Variants in TJP1 observed in about 807,000 individuals in gnomAD.
TJP1 encodes tight junction protein 1, also known as tight junction protein ZO-1.
TJP1 carries 43 observed loss-of-function variants against 194.2 expected under a neutral mutation model. The ratio of observed to expected loss-of-function variants is 0.22; its 90% confidence interval spans 0.17 to 0.29. The LOEUF is 0.29. TJP1 is among the 10% of genes least tolerant of loss of function. TJP1 has a pLI of 1.00. For missense variants in TJP1, 1,971 were observed against 2,185.7 expected (o/e 0.90, Z 1.96); for synonymous variants, 801 against 779.0 (o/e 1.03, Z -0.47).
intron 2 of TJP1, among the ~76,000 whole-genome samples, chr15:29,926,338 G>A (rs1466204130): frequency 6.6e-6 from 1 of 152,172 alleles, no homozygotes; most frequent in African/African-American, 2.4e-5. Flanking sequence ...AGAGCTAGGC[G>A]CAGAAGCTCA....
At chr15:29,775,921 C>G (rs1039014270) in intron 2 of TJP1, among the ~76,000 whole-genome samples, 2 of 152,030 alleles carry the variant, frequency 1.3e-5, no homozygotes, top group Admixed American at 1.3e-4. Context: ...CAAAAAGGCA[C>G]CAGGCGCAAA....
At chr15:29,924,363 G>C (rs902248461) in intron 2 of TJP1, among the ~76,000 whole-genome samples, 20 of 152,120 alleles carry the variant, frequency 1.3e-4, no homozygotes, top group Admixed American at 5.2e-4. Flanking sequence ...GAGCCACCAT[G>C]CTCAGCCAAT....
At chr15:29,792,898 T>G (rs1291320078) in intron 2 of TJP1, among the ~76,000 whole-genome samples, 2 of 152,226 alleles carry the variant, frequency 1.3e-5, no homozygotes, top group Non-Finnish European at 2.9e-5. Flanking sequence ...ATTATTTTCT[T>G]GGTTTATTTT....
At chr15:29,724,401 C>T (rs188657868) in intron 18 of TJP1, among the ~76,000 whole-genome samples, 146 of 152,298 alleles carry the variant, frequency 9.6e-4, no homozygotes, top group African/African-American at 3.3e-3. Context: ...TTTAACTTGC[C>T]AGGGTTCTGA....
At chr15:29,933,474 T>A (rs1033485352) in intron 2 of TJP1, among the ~76,000 whole-genome samples, 11 of 152,088 alleles carry the variant, frequency 7.2e-5, no homozygotes, top group African/African-American at 2.7e-4. Flanking sequence ...AAGAAGAAGA[T>A]AACATTCAAC....
In TJP1 at chr15:29,719,942, A is replaced by T; in HGVS notation, c.2838T>A (p.Asn946Lys). 1 of 1,614,176 alleles carries T rather than the reference A, an allele frequency of 6.2e-7. No homozygotes were observed. The change falls in exon 20 of 28, where the codon AAT (asparagine) becomes AAA (lysine). Residue 946 changes from asparagine (N) to lysine (K), a missense_variant. Around this residue, in one of 5 missense-constraint regions of TJP1, gnomAD observed 1,108 missense variants for 1,128.5 expected, o/e 0.98. Transcript: ENST00000614355. The part of the protein sequence containing the change: ...TNPASSTSAV[N>K]HNVNLTNVRL... ...TGACATTAGTTAAATTTACATTATG[A>T]TTAACAGCAGAGGTTGATGATGCTG...
Position 29,718,090 on chromosome 15 carries a change from C to T in TJP1, c.3905G>A (p.Gly1302Asp), listed in dbSNP as rs377371510. The part of the protein sequence containing the change: ...KPPEVASKPS[G>D]APIIGPKPTS... Reference sequence around the variant, plus strand: ...GGGTTTGGGACCAATGATGGGAGCACCTGAAGGTTTAGATGCTACTTCTGG... The same window carrying T: ...GGGTTTGGGACCAATGATGGGAGCATCTGAAGGTTTAGATGCTACTTCTGG... Residue 1302 changes from glycine (G) to aspartate (D), a missense_variant, in exon 22 of 28, where the codon GGT becomes GAT. By Grantham distance (94) the Gly-to-Asp change is moderately conservative. This residue lies in a region of TJP1 where 1,108 missense variants were observed against 1,128.5 expected (regional missense o/e 0.98). Transcript: ENST00000614355. 11 of 1,607,756 alleles carry T rather than the reference C, an allele frequency of 6.8e-6. No homozygotes were observed. The highest frequency in any genetic ancestry group is 2.7e-5 in the African/African-American group (2 of 73,068).
At chr15:29,720,130 A>G in intron 19 of TJP1, 114 bp from the exon 20 acceptor site, 1 of 1,380,142 alleles carries the variant, frequency 7.2e-7, no homozygotes. Context: ...TAACAAAATT[A>G]TGACCTCATG....
At position 29,718,943 on chromosome 15, in the gene TJP1, T is replaced by C. The variant is rs758147494; in HGVS notation, c.3199A>G (p.Thr1067Ala). 8 of 1,614,202 alleles carry C rather than the reference T, an allele frequency of 5.0e-6. No homozygotes were observed. In the East Asian group the frequency reaches 8.9e-5, roughly 18 times the overall value. ...TCATAGTTTCGAGAAAACTGGTCCG[T>C]ATAGCTTGAGGACTCGTATCTGTAT... ...PTYRYESSSY[T>A]DQFSRNYEHR... Residue 1067 changes from threonine to alanine, a missense_variant, in exon 21 of 28, where the codon ACG (threonine) becomes GCG (alanine). Physicochemically the swap from Thr to Ala is moderately conservative, Grantham distance 58 (BLOSUM62 0). Transcript: ENST00000614355.
intron 23 of TJP1, among the ~76,000 whole-genome samples, chr15:29,712,051 T>C (rs997600559): frequency 5.3e-5 from 8 of 152,212 alleles, no homozygotes; most frequent in East Asian, 1.9e-4. Context: ...ATTGTTAATA[T>C]GTAACACAAA....
intron 2 of TJP1, among the ~76,000 whole-genome samples, chr15:29,857,483 T>A (rs1467176741): frequency 6.6e-6 from 1 of 152,148 alleles, no homozygotes; most frequent in Non-Finnish European, 1.5e-5. Context: ...ATTACGTGGA[T>A]CGGGCCTCAA....
intron 15 of TJP1, chr15:29,729,478 A>T (rs1205383540): frequency 6.6e-6 from 1 of 152,174 alleles, no homozygotes; most frequent in Non-Finnish European, 1.5e-5. Flanking sequence ...TTAAAAAAAA[A>T]AGATGATGTT....
chr15:29,931,409 A>T (rs1390592697), intron 2 of TJP1, among the ~76,000 whole-genome samples: 1 of 152,176 alleles, frequency 6.6e-6, no homozygotes, highest in Admixed American at 6.5e-5. Flanking sequence ...AACAAATCAA[A>T]CTAGTCACAC....
chr15:29,855,909 G>A (rs935329815), intron 2 of TJP1, among the ~76,000 whole-genome samples: 2 of 151,786 alleles, frequency 1.3e-5, no homozygotes, highest in Non-Finnish European at 2.9e-5. Context: ...GTGATGACAC[G>A]GTCTGCTAAA....
chr15:29,761,364 GA>G, intron 7 of TJP1, 78 bp from the exon 8 acceptor site: 1 of 1,521,686 alleles, frequency 6.6e-7, no homozygotes, highest in Non-Finnish European at 8.9e-7. Flanking sequence ...TAATAATGAA[GA>G]TAAGCTAGTA....
At chr15:29,800,840 T>C (rs2048736396) in intron 1 of TJP1, 138 bp from the exon 2 acceptor site, 4 of 762,318 alleles carry the variant, frequency 5.2e-6, no homozygotes, top group Non-Finnish European at 8.1e-6. Flanking sequence ...GAAAGGACCT[T>C]AATAATTATG....
intron 2 of TJP1, among the ~76,000 whole-genome samples, chr15:29,781,442 G>A (rs1013874504): frequency 6.6e-6 from 1 of 152,058 alleles, no homozygotes; most frequent in Non-Finnish European, 1.5e-5. Context: ...AACTGAAGAG[G>A]AGGAACAATA....
rs2140891131 is a variant in TJP1 at position 29,700,302 on chromosome 15, T to C, written c.*1293A>G. 2.5e-6 allele frequency: 1 copy of C among 398,928 alleles called. No individual in the cohort carries two copies. Among genetic ancestry groups the C allele is most frequent in the Non-Finnish European group, 4.4e-6 (1 of 226,022 alleles). The allele number at this position is 398,928 out of a possible 1,614,324, so 24.7% of individuals were successfully genotyped here. ...TGATGTGCCATAATAAATTGTCTATTAGTAAAAAAATACACTTTAGGGCAC... is the reference window on the plus strand; with the variant it reads ...TGATGTGCCATAATAAATTGTCTATCAGTAAAAAAATACACTTTAGGGCAC... On this transcript the variant is annotated 3_prime_UTR_variant, in exon 28 of 28. Transcript: ENST00000614355.
rs1012757737 is a variant in TJP1, at chr15:29,821,865, C to T, written c.27+137G>A. ...GCCCGCGGCCCGCGGCCCGCGGCCCCGCGCCAGCCCTGCCCACCCCGCCGC... is the reference window on the plus strand; with the variant it reads ...GCCCGCGGCCCGCGGCCCGCGGCCCTGCGCCAGCCCTGCCCACCCCGCCGC... On this transcript the variant is annotated intron_variant, in intron 1 of 27. Coordinates refer to ENST00000614355, the MANE Select transcript of TJP1 (RefSeq NM_001330239.4). 6 of 883,486 alleles carry T rather than the reference C, an allele frequency of 6.8e-6. No individual in the cohort carries two copies. The African/African-American group carries it at 9.2e-5, about 14-fold the overall frequency. 54.7% of individuals were successfully genotyped at this position (883,486 alleles called of 1,614,324 possible).
Sources: gnomAD v4.1 joint callset for allele counts (sites outside exome capture counted in the v4.1 genomes callset) on GRCh38, gnomAD v4.1.1 for gene constraint, gnomAD v4.1.1 regional missense constraint, MANE v1.5 for transcripts, NCBI Gene and HGNC (gene_info 2026-07-23, HGNC 2026-07-21) for gene names.